TTLL6: variants seen among roughly 807,000 people sequenced by gnomAD.
The protein encoded by TTLL6 is tubulin polyglutamylase TTLL6.
TTLL6 carries 75 observed loss-of-function variants against 96.4 expected under a neutral mutation model. The ratio of observed to expected loss-of-function variants is 0.78; its 90% CI spans 0.65 to 0.94. The LOEUF (loss-of-function observed/expected upper bound fraction) is 0.94, where lower values mean the gene tolerates loss of function less well. TTLL6 is among the 40% of genes least tolerant of loss of function. TTLL6 has a pLI of 0.00. For missense variants in TTLL6, 1,030 were observed against 1,093.0 expected (o/e 0.94, Z 0.81); for synonymous variants, 411 against 419.4 (o/e 0.98, Z 0.24).
chr17:48,807,823 TTTTGTTTG>T (rs2039525775), intron 1 of TTLL6, among the ~76,000 whole-genome samples: 1 of 151,848 alleles, frequency 6.6e-6, no homozygotes, highest in Admixed American at 6.6e-5. Context: ...TTTCTAGTTT[TTTTGTTTG>T]TTTTGTTTTG....
At position 48,799,429 on chromosome 17, in the gene TTLL6, C is replaced by T. The variant is rs956136928; in HGVS notation, c.768+175G>A. On this transcript the variant is annotated intron_variant, in intron 6 of 15. Transcript: ENST00000393382. ...TAAAAGGATAACAGACACTCTGGCCCGGGCACGTGTCAGCACCCCGGTCAG... is the reference window on the plus strand; with the variant it reads ...TAAAAGGATAACAGACACTCTGGCCTGGGCACGTGTCAGCACCCCGGTCAG... 3.9e-5 allele frequency among the ~76,000 whole-genome samples: 6 copies of T among 152,348 alleles called. No individual in the cohort carries two copies. In the East Asian group the frequency reaches 7.7e-4, roughly 20 times the overall value.
At chr17:48,772,528 G>C (rs958206342) in intron 13 of TTLL6, among the ~76,000 whole-genome samples, 1 of 151,800 alleles carries the variant, frequency 6.6e-6, no homozygotes, top group Non-Finnish European at 1.5e-5. Flanking sequence ...TCAAGAGATC[G>C]AGACCATCCT....
intron 1 of TTLL6, among the ~76,000 whole-genome samples, chr17:48,808,841 G>T (rs991794223): frequency 3.3e-5 from 5 of 152,208 alleles, no homozygotes; most frequent in Non-Finnish European, 5.9e-5. Context: ...AAAGTGCTGG[G>T]ATTACAGGCG....
intron 1 of TTLL6, among the ~76,000 whole-genome samples, chr17:48,811,370 C>G (rs2039589689): frequency 6.6e-6 from 1 of 152,006 alleles, no homozygotes; most frequent in African/African-American, 2.4e-5. Context: ...AGCCACCATG[C>G]CCAGCCTATT....
intron 1 of TTLL6, among the ~76,000 whole-genome samples, chr17:48,815,007 A>G (rs555131325): frequency 4.5e-4 from 68 of 152,218 alleles, no homozygotes; most frequent in African/African-American, 1.6e-3. Flanking sequence ...CAAACTCCCA[A>G]CCTCAGGTTA....
intron 9 of TTLL6, 69 bp downstream of exon 9, chr17:48,791,309 C>T (rs1343882198): frequency 5.8e-6 from 8 of 1,383,280 alleles, no homozygotes; most frequent in East Asian, 2.3e-5. Context: ...GCCAGGAGGG[C>T]GGAATCCTTG....
At chr17:48,768,966 T>C (rs1320931461) in intron 15 of TTLL6, 23 bp downstream of exon 15, 1 of 1,605,240 alleles carries the variant, frequency 6.2e-7, no homozygotes, top group South Asian at 1.1e-5. Context: ...CCAAATTCAT[T>C]AAGGGAATAT....
At chr17:48,804,230 C>A in intron 2 of TTLL6, 1 of 559,418 alleles carries the variant, frequency 1.8e-6, no homozygotes. Context: ...ACTCCACTGG[C>A]TCATCAGGGA....
chr17:48,794,204 C>T, intron 8 of TTLL6: 1 of 1,614,026 alleles, frequency 6.2e-7, no homozygotes, highest in Non-Finnish European at 8.5e-7. Flanking sequence ...GCAACCTCAC[C>T]TTAGTTCTGC....
Position 48,796,164 on chromosome 17 carries a change from C to T in TTLL6, c.913-18G>A, listed in dbSNP as rs1429810133. 1.4e-5 allele frequency: 22 copies of T among 1,547,180 alleles called. No individual in the cohort carries two copies. The highest frequency in any genetic ancestry group is 5.5e-5 in the African/African-American group (4 of 72,984). Reference sequence around the variant, plus strand: ...ATATCATCCTGGGGAAAAAGACACACATCTGTCGGGTCAGCTCGGAAGGGC... The same window carrying T: ...ATATCATCCTGGGGAAAAAGACACATATCTGTCGGGTCAGCTCGGAAGGGC... On this transcript the variant is annotated intron_variant, in intron 7 of 15. Transcript: ENST00000393382.
intron 15 of TTLL6, among the ~76,000 whole-genome samples, chr17:48,763,926 T>A (rs1251048507): frequency 6.6e-6 from 1 of 152,044 alleles, no homozygotes; most frequent in Non-Finnish European, 1.5e-5. Context: ...ATCGCGCCAC[T>A]GCACTCCAGC....
intron 13 of TTLL6, among the ~76,000 whole-genome samples, chr17:48,782,517 T>C (rs2039009460): frequency 6.6e-6 from 1 of 152,192 alleles, no homozygotes; most frequent in Admixed American, 6.5e-5. Context: ...GTTGTTGCCT[T>C]TACTGTGCAA....
chr17:48,764,746 T>C (rs1214807783), intron 15 of TTLL6, among the ~76,000 whole-genome samples: 1 of 152,172 alleles, frequency 6.6e-6, no homozygotes, highest in Non-Finnish European at 1.5e-5. Context: ...GGGAGTCTGC[T>C]TTTTTATGTG....
chr17:48,796,194 C>G, intron 7 of TTLL6, 48 bp from the exon 8 acceptor site: 1 of 1,448,628 alleles, frequency 6.9e-7, no homozygotes, highest in Non-Finnish European at 9.5e-7. Context: ...AAGGGCAGGC[C>G]CCCTGCTTCC....
At chr17:48,786,379 G>A (rs890923514) in intron 11 of TTLL6, 44 bp from the exon 12 acceptor site, 14 of 1,610,900 alleles carry the variant, frequency 8.7e-6, no homozygotes, top group South Asian at 4.4e-5. Context: ...TTAGAAATGC[G>A]CTGCGCAGGC....
intron 5 of TTLL6, 28 bp from the exon 6 acceptor site, chr17:48,799,788 C>T (rs1319096454): frequency 7.1e-6 from 11 of 1,544,370 alleles, no homozygotes; most frequent in South Asian, 4.8e-5. Flanking sequence ...GAACAAGATA[C>T]ATCTTTAGCT....
At chr17:48,799,171 G>A (rs2039368359) in intron 6 of TTLL6, among the ~76,000 whole-genome samples, 1 of 152,148 alleles carries the variant, frequency 6.6e-6, no homozygotes, top group South Asian at 2.1e-4. Flanking sequence ...GTTGTCCCCT[G>A]GCCATTTCTT....
chr17:48,780,626 A>C (rs551518932), intron 13 of TTLL6, among the ~76,000 whole-genome samples: 4 of 152,156 alleles, frequency 2.6e-5, no homozygotes, highest in Non-Finnish European at 5.9e-5. Context: ...TGTGAAACTT[A>C]TGTATTTATT....
intron 7 of TTLL6, among the ~76,000 whole-genome samples, 158 bp downstream of exon 7, chr17:48,796,903 C>T (rs900531382): frequency 5.3e-5 from 8 of 152,138 alleles, no homozygotes; most frequent in Admixed American, 5.2e-4. Context: ...TAATCCCTCT[C>T]TCTGAGGGAT....
Sources: gnomAD v4.1 joint callset for allele counts (sites outside exome capture counted in the v4.1 genomes callset) on GRCh38, gnomAD v4.1.1 for gene constraint, MANE v1.5 for transcripts, NCBI Gene and HGNC (gene_info 2026-07-23, HGNC 2026-07-21) for gene names.